Variants in LRRC2 observed in about 807,000 individuals in gnomAD.
LRRC2 encodes the protein leucine rich repeat containing 2, also known as leucine-rich repeat-containing protein 2.
LRRC2 carries 27 observed loss-of-function variants against 40.2 expected under a neutral mutation model. The ratio of observed to expected loss-of-function variants is 0.67; its 90% CI spans 0.49 to 0.93. The LOEUF (loss-of-function observed/expected upper bound fraction) is 0.93, where lower values mean the gene tolerates loss of function less well. LRRC2 is among the 40% of genes least tolerant of loss of function. The pLI, the probability that LRRC2 is intolerant of heterozygous loss-of-function variation, is 0.00. For synonymous variants in LRRC2, 147 were observed against 158.9 expected (o/e 0.92, Z 0.56); for missense variants, 402 against 439.6 (o/e 0.91, Z 0.76).
chr3:46,530,197 C>G, intron 5 of LRRC2, 147 bp from the exon 6 acceptor site: 1 of 660,948 alleles, frequency 1.5e-6, no homozygotes, highest in South Asian at 1.9e-5. Flanking sequence ...TTTTGAAGCA[C>G]CTCAGATGTG....
In LRRC2 at chr3:46,530,009, T is replaced by G. The variant is rs750105567; in HGVS notation, c.669A>C (p.Ala223=). ...LKQVTFVDIS[A]NKFSSVPICV... The stretch of plus-strand genomic sequence containing the variant: ...AGATTGGGACACTGGAAAACTTGTT[T>G]GCTGAGATATCTACAAATGTAACTT... Residue 223 remains alanine, a synonymous_variant, in exon 6 of 9, where the codon GCA becomes GCC. Coordinates refer to ENST00000395905, the MANE Select transcript of LRRC2 (RefSeq NM_024512.5). 2.5e-6 allele frequency: 4 copies of G among 1,613,908 alleles called. No homozygotes were observed. In the South Asian group the frequency reaches 4.4e-5, roughly 18 times the overall value.
chr3:46,565,873 G>C (rs1238310718), intron 1 of LRRC2, among the ~76,000 whole-genome samples: 2 of 152,218 alleles, frequency 1.3e-5, no homozygotes, highest in Non-Finnish European at 2.9e-5. Context: ...AGCAGTACGC[G>C]CAGGGGAACT....
At chr3:46,558,703 T>G (rs956000948) in intron 1 of LRRC2, 1 of 152,220 alleles carries the variant, frequency 6.6e-6, no homozygotes, top group Non-Finnish European at 1.5e-5. Context: ...AAACTTGGTG[T>G]TGTAGTTACC....
chr3:46,548,691 C>T (rs911176192), intron 2 of LRRC2, among the ~76,000 whole-genome samples: 4 of 152,306 alleles, frequency 2.6e-5, no homozygotes, highest in Non-Finnish European at 5.9e-5. Context: ...TACAGCCTAA[C>T]AATAGCTCTT....
intron 8 of LRRC2, 24 bp from the exon 9 acceptor site, chr3:46,519,087 G>C (rs765123476): frequency 1.3e-6 from 2 of 1,554,912 alleles, no homozygotes; most frequent in Non-Finnish European, 1.8e-6. Flanking sequence ...AAAAAAGTAT[G>C]CTCAATCATT....
At chr3:46,532,002 T>G (rs1704168662) in intron 5 of LRRC2, among the ~76,000 whole-genome samples, 1 of 152,250 alleles carries the variant, frequency 6.6e-6, no homozygotes, top group Non-Finnish European at 1.5e-5. Context: ...AAATCATTTG[T>G]CCATGAATAC....
chr3:46,543,295 A>C (rs1704436922), intron 3 of LRRC2, among the ~76,000 whole-genome samples: 1 of 152,042 alleles, frequency 6.6e-6, no homozygotes, highest in Admixed American at 6.5e-5. Flanking sequence ...CCATCTTCCC[A>C]TTCCCTTTAC....
intron 2 of LRRC2, among the ~76,000 whole-genome samples, chr3:46,545,646 C>T (rs1704509552): frequency 6.6e-6 from 1 of 152,180 alleles, no homozygotes; most frequent in Admixed American, 6.5e-5. Context: ...TGGAATGTCA[C>T]CATCAGCCAC....
intron 5 of LRRC2, 39 bp downstream of exon 5, chr3:46,532,734 A>T (rs778986437): frequency 1.2e-5 from 19 of 1,599,082 alleles, no homozygotes; most frequent in Non-Finnish European, 1.4e-5. Flanking sequence ...CATAAACCAA[A>T]TAAAAGTGAA....
chr3:46,549,778 G>C (rs1292260636), intron 2 of LRRC2, among the ~76,000 whole-genome samples: 1 of 152,200 alleles, frequency 6.6e-6, no homozygotes, highest in Non-Finnish European at 1.5e-5. Context: ...TCAGCTACAG[G>C]TGCTTCCCTA....
Position 46,517,299 on chromosome 3 carries a change from G to C in LRRC2, c.*1715C>G, listed in dbSNP as rs933597119. The C allele has an allele frequency of 8.0e-6, 1 of 124,452 alleles. No individual in the cohort carries two copies. Among genetic ancestry groups the C allele is most frequent in the Non-Finnish European group, 1.7e-5 (1 of 58,722 alleles). The allele number at this position is 124,452 out of a possible 1,614,324, so 7.7% of individuals were successfully genotyped here. On this transcript the variant is annotated 3_prime_UTR_variant, in exon 9 of 9. Transcript: ENST00000395905. ...GCTTGTTTTTGTTTTTTTTTTTTTA[G>C]TTATAACAATAATAATATTGTTATT...
chr3:46,520,297 G>A (rs1004947165), intron 8 of LRRC2, among the ~76,000 whole-genome samples: 1 of 151,258 alleles, frequency 6.6e-6, no homozygotes, highest in East Asian at 1.9e-4. Context: ...CTTTCTTGGA[G>A]TTTTACATAA....
At chr3:46,531,074 A>T (rs752950393) in intron 5 of LRRC2, among the ~76,000 whole-genome samples, 1 of 152,224 alleles carries the variant, frequency 6.6e-6, no homozygotes, top group Non-Finnish European at 1.5e-5. Context: ...TGTATATGCA[A>T]CTAACAACGT....
At chr3:46,519,722 C>G (rs568553765) in intron 8 of LRRC2, among the ~76,000 whole-genome samples, 1 of 152,206 alleles carries the variant, frequency 6.6e-6, no homozygotes, top group Non-Finnish European at 1.5e-5. Flanking sequence ...AGCTTGAGGA[C>G]CAGTGAGGGC....
At chr3:46,552,336 T>C (rs1243596676) in intron 1 of LRRC2, among the ~76,000 whole-genome samples, 2 of 150,498 alleles carry the variant, frequency 1.3e-5, no homozygotes, top group Non-Finnish European at 3.0e-5. Context: ...TCCTCTCTCC[T>C]CTCTCAAGTA....
chr3:46,551,568 G>T lies in LRRC2; in HGVS notation c.24C>A (p.Phe8Leu). 6.2e-7 allele frequency: 1 copy of T among 1,613,330 alleles called. No individual in the cohort carries two copies. Among genetic ancestry groups the T allele is most frequent in the Non-Finnish European group, 8.5e-7 (1 of 1,179,736 alleles). The change falls in exon 2 of 9, where the codon TTC (phenylalanine) becomes TTA (leucine). Residue 8 changes from phenylalanine to leucine, a missense_variant. Transcript: ENST00000395905. ...ACAAGGCTCTGATGACAGAAATGTC[G>T]AAGACAACCACTTTATGTCCCATTT... MGHKVVV[F>L]DISVIRALWE... is the part of the protein sequence containing the mutation.
Position 46,533,048 on chromosome 3 carries a change from G to T in LRRC2, c.491-139C>A. 11 of 848,008 alleles carry T rather than the reference G, an allele frequency of 1.3e-5. No homozygotes were observed. In the South Asian group the frequency reaches 1.5e-4, roughly 12 times the overall value. 52.5% of individuals were successfully genotyped at this position (848,008 alleles called of 1,614,324 possible). A position where few individuals can be genotyped will look rare whatever the true frequency, so the allele number is the denominator to read the frequency against. On this transcript the variant is annotated intron_variant, in intron 4 of 8. Coordinates refer to ENST00000395905, the MANE Select transcript of LRRC2 (RefSeq NM_024512.5). ...ACATAATTTAGTATTTGGGTTTTGG[G>T]GGGTGTATCTAATGAACATTATCTT... is the stretch of plus-strand genomic sequence containing the variant.
At chr3:46,560,264 TG>T (rs1346872337) in intron 1 of LRRC2, among the ~76,000 whole-genome samples, 1 of 152,170 alleles carries the variant, frequency 6.6e-6, no homozygotes, top group Non-Finnish European at 1.5e-5. Flanking sequence ...GAAACCACAC[TG>T]GGGAGCCCAT....
At chr3:46,560,067 G>C (rs1432205728) in intron 1 of LRRC2, among the ~76,000 whole-genome samples, 1 of 152,146 alleles carries the variant, frequency 6.6e-6, no homozygotes, top group Non-Finnish European at 1.5e-5. Flanking sequence ...CTAAGTGCCA[G>C]GTCCAGCCCA....
Sources: gnomAD v4.1 joint callset for allele counts (sites outside exome capture counted in the v4.1 genomes callset) on GRCh38, gnomAD v4.1.1 for gene constraint, MANE v1.5 for transcripts, NCBI Gene and HGNC (gene_info 2026-07-23, HGNC 2026-07-21) for gene names.